Variants in GFOD1 observed in about 807,000 individuals in gnomAD.
The protein encoded by GFOD1 is glucose-fructose oxidoreductase domain-containing protein 1.
GFOD1 carries 9 observed loss-of-function variants against 25.4 expected under a neutral mutation model. The ratio of observed to expected loss-of-function variants is 0.35; its 90% CI spans 0.21 to 0.62. GFOD1 has a LOEUF of 0.62. Ranked by LOEUF, GFOD1 falls within the 20% of genes least tolerant of loss-of-function variation. The pLI is 0.72. For missense variants in GFOD1, 403 were observed against 556.9 expected (o/e 0.72, Z 2.78); for synonymous variants, 253 against 245.6 (o/e 1.03, Z -0.28).
In GFOD1 at chr6:13,400,712, T is replaced by C. The variant is rs1229394210; in HGVS notation, c.254-35050A>G. ...ACCCTAGTCAGACTCATGTCTTACA[T>C]GCAGATGAACATTTCAAAGCAAGAG... On this transcript the variant is annotated intron_variant, in intron 1 of 1. Coordinates refer to ENST00000379287, the MANE Select transcript of GFOD1 (RefSeq NM_018988.4). 4.6e-5 allele frequency among the ~76,000 whole-genome samples: 7 copies of C among 152,320 alleles called. No homozygotes were observed. The East Asian group carries it at 5.8e-4, about 13-fold the overall frequency.
chr6:13,420,326 T>C (rs73366941), intron 1 of GFOD1, among the ~76,000 whole-genome samples: 9,462 of 152,214 alleles, frequency 0.062, 368 homozygotes, highest in Middle Eastern at 0.12. Context: ...GGCAGGGGTC[T>C]GAGGGCGAGG....
rs977242786 is a variant in GFOD1, at chr6:13,362,960, C to T, written c.*1783G>A. 2 of 152,322 alleles carry T rather than the reference C, an allele frequency of 1.3e-5. No individual in the cohort carries two copies. Among genetic ancestry groups the T allele is most frequent in the South Asian group, 4.1e-4 (2 of 4,828 alleles). The allele number at this position is 152,322 out of a possible 1,614,324, so 9.4% of individuals were successfully genotyped here. On this transcript the variant is annotated 3_prime_UTR_variant, in exon 2 of 2. Coordinates refer to ENST00000379287, the MANE Select transcript of GFOD1 (RefSeq NM_018988.4). ...GCAGCTATCTGAAAAGAACTCTAAA[C>T]CTCAGTTGCATGTAAAGACACCTGT...
chr6:13,407,188 A>T (rs775015389), intron 1 of GFOD1, among the ~76,000 whole-genome samples: 3 of 152,252 alleles, frequency 2.0e-5, no homozygotes, highest in Non-Finnish European at 4.4e-5. Flanking sequence ...TAGAGCTGCC[A>T]GACTGCTTAC....
At chr6:13,467,871 C>G (rs2841553) in intron 1 of GFOD1, among the ~76,000 whole-genome samples, 139,763 of 152,190 alleles carry the variant, frequency 0.92, 65,317 homozygotes, top group East Asian at 1. Flanking sequence ...GACCTTTATT[C>G]AACCACTTCC....
At chr6:13,413,592 G>T (rs1393615923) in intron 1 of GFOD1, among the ~76,000 whole-genome samples, 2 of 152,138 alleles carry the variant, frequency 1.3e-5, no homozygotes, top group African/African-American at 2.4e-5. Context: ...CAAGAGTGAG[G>T]CAGGCTGAAA....
At chr6:13,376,238 G>A (rs1460762108) in intron 1 of GFOD1, among the ~76,000 whole-genome samples, 4 of 152,194 alleles carry the variant, frequency 2.6e-5, no homozygotes, top group Non-Finnish European at 5.9e-5. Context: ...GGAGAACAGA[G>A]GTTTGGAGTT....
At chr6:13,444,546 G>T (rs1020277085) in intron 1 of GFOD1, among the ~76,000 whole-genome samples, 1 of 151,836 alleles carries the variant, frequency 6.6e-6, no homozygotes, top group Non-Finnish European at 1.5e-5. Flanking sequence ...AAAAAATCTG[G>T]AAAATTCTTT....
chr6:13,391,706 A>G (rs1483162731), intron 1 of GFOD1, among the ~76,000 whole-genome samples: 1 of 152,194 alleles, frequency 6.6e-6, no homozygotes, highest in East Asian at 1.9e-4. Flanking sequence ...TCTGACCTCA[A>G]AGCTCTACCA....
intron 1 of GFOD1, among the ~76,000 whole-genome samples, chr6:13,396,455 C>T (rs1361926470): frequency 6.6e-6 from 1 of 152,136 alleles, no homozygotes; most frequent in African/African-American, 2.4e-5. Context: ...GGGCAGGTGG[C>T]CTTTTCCTAG....
intron 1 of GFOD1, among the ~76,000 whole-genome samples, chr6:13,374,270 T>TG (rs757252054): frequency 0.015 from 1,784 of 119,324 alleles, 25 homozygotes; most frequent in East Asian, 0.044. Context: ...ATATGTTTTT[T>TG]TTTTGTGTGT....
intron 1 of GFOD1, among the ~76,000 whole-genome samples, chr6:13,422,728 T>C (rs1786281729): frequency 6.6e-6 from 1 of 152,156 alleles, no homozygotes. Flanking sequence ...CAGATACCAG[T>C]AGGCTGGTTC....
At chr6:13,408,296 G>A (rs879706209) in intron 1 of GFOD1, among the ~76,000 whole-genome samples, 1 of 152,268 alleles carries the variant, frequency 6.6e-6, no homozygotes, top group African/African-American at 2.4e-5. Flanking sequence ...TCAATTTTCC[G>A]CACAATATAG....
intron 1 of GFOD1, among the ~76,000 whole-genome samples, chr6:13,407,015 G>T (rs1785958286): frequency 6.6e-6 from 1 of 152,158 alleles, no homozygotes; most frequent in Admixed American, 6.6e-5. Context: ...CTAAGTTCTG[G>T]CCAATGGGAT....
Position 13,365,352 on chromosome 6 carries a change from G to A in GFOD1, c.564C>T (p.Thr188=), listed in dbSNP as rs118178478. Residue 188 remains threonine (T), a synonymous_variant, in exon 2 of 2, where the codon ACC becomes ACT. Coordinates refer to ENST00000379287, the MANE Select transcript of GFOD1 (RefSeq NM_018988.4). This position sits in a 1 kb window ranked among gnomAD's most constrained non-coding sequence, Gnocchi z 9.2. ...TYIIDLLTFL[T]GQKAVKVHGL... is the part of the protein sequence containing the mutation. ...CGTGGACCTTGACGGCCTTTTGGCC[G>A]GTGAGGAAGGTGAGCAGGTCGATGA... is the stretch of plus-strand genomic sequence containing the variant. 9.9e-4 allele frequency: 1,591 copies of A among 1,614,164 alleles called. 14 individuals carry two copies. The East Asian group carries it at 0.02, about 21-fold the overall frequency.
intron 1 of GFOD1, chr6:13,486,408 G>T (rs1483470704): frequency 5.0e-6 from 3 of 604,648 alleles, no homozygotes; most frequent in Non-Finnish European, 8.7e-6. Flanking sequence ...ACACACGTGG[G>T]GAAGCGCGTC....
chr6:13,434,134 G>A (rs997425484), intron 1 of GFOD1, among the ~76,000 whole-genome samples: 3 of 152,216 alleles, frequency 2.0e-5, no homozygotes, highest in South Asian at 2.1e-4. Flanking sequence ...GAAGTCAGGC[G>A]CAAGGCATTA....
At chr6:13,425,764 G>T (rs1786339973) in intron 1 of GFOD1, among the ~76,000 whole-genome samples, 1 of 151,986 alleles carries the variant, frequency 6.6e-6, no homozygotes, top group Admixed American at 6.5e-5. Flanking sequence ...CAGGAAAAGG[G>T]TCTAGGCCAG....
chr6:13,383,325 G>A (rs1785402635), intron 1 of GFOD1, among the ~76,000 whole-genome samples: 1 of 152,168 alleles, frequency 6.6e-6, no homozygotes, highest in African/African-American at 2.4e-5. Flanking sequence ...GGTGAACTCA[G>A]GGTAACTGCA....
intron 1 of GFOD1, among the ~76,000 whole-genome samples, chr6:13,455,865 AACACTG>A (rs1041130636): frequency 1.3e-5 from 2 of 152,194 alleles, no homozygotes; most frequent in Admixed American, 1.3e-4. Context: ...GTCACAGTTT[AACACTG>A]GCCTCGTCAG....
Sources: gnomAD v4.1 joint callset for allele counts (sites outside exome capture counted in the v4.1 genomes callset) on GRCh38, gnomAD v4.1.1 for gene constraint, Gnocchi (gnomAD v3.1) non-coding constraint, MANE v1.5 for transcripts, NCBI Gene and HGNC (gene_info 2026-07-23, HGNC 2026-07-21) for gene names.